The following OPCML variants were observed in gnomAD, a reference collection of about 807,000 sequenced individuals.
OPCML encodes opioid-binding protein/cell adhesion molecule.
Under a neutral mutation model 37.8 loss-of-function variants are expected in OPCML, and 13 were observed. The ratio of observed to expected loss-of-function variants is 0.34; its 90% CI spans 0.22 to 0.55. The LOEUF (loss-of-function observed/expected upper bound fraction) is 0.55. Ranked by LOEUF, OPCML falls within the 20% of genes least tolerant of loss-of-function variation. OPCML has a pLI of 0.91. For synonymous variants in OPCML, 176 were observed against 168.8 expected, an observed-to-expected ratio of 1.04 and a Z score of -0.33; for missense variants, 341 against 435.6, an observed-to-expected ratio of 0.78 and a Z score of 1.93.
chr11:132,975,412 A>G (rs1354623641), intron 1 of OPCML, among the ~76,000 whole-genome samples: 1 of 151,562 alleles, frequency 6.6e-6, no homozygotes, highest in East Asian at 2.0e-4. Context: ...AAAGGCAATG[A>G]GGAAGAAGCA....
chr11:133,234,902 C>G (rs1023097365), intron 1 of OPCML, among the ~76,000 whole-genome samples: 2 of 152,114 alleles, frequency 1.3e-5, no homozygotes, highest in Non-Finnish European at 2.9e-5. Flanking sequence ...TCGTCTCTGG[C>G]CAAGCCTATT....
intron 1 of OPCML, among the ~76,000 whole-genome samples, chr11:133,369,615 A>G (rs1355838565): frequency 6.6e-6 from 1 of 152,176 alleles, no homozygotes; most frequent in African/African-American, 2.4e-5. Context: ...GCTGTGTGGA[A>G]CAATACCATA....
chr11:132,532,068 C>T (rs2096327037), intron 3 of OPCML, among the ~76,000 whole-genome samples: 1 of 152,156 alleles, frequency 6.6e-6, no homozygotes, highest in East Asian at 1.9e-4. Context: ...TTTCCACAGA[C>T]ATCGTATCTC....
At chr11:133,024,234 G>T (rs1423682442) in intron 1 of OPCML, 4 of 454,386 alleles carry the variant, frequency 8.8e-6, no homozygotes, top group Non-Finnish European at 5.8e-6. Context: ...CCTCAGGCAG[G>T]TTGGTGGGGG....
chr11:133,524,901 A>G (rs1240723635), intron 1 of OPCML, among the ~76,000 whole-genome samples: 1 of 152,244 alleles, frequency 6.6e-6, no homozygotes, highest in Non-Finnish European at 1.5e-5. Flanking sequence ...GTGGGATGGA[A>G]CAGAATGATT....
intron 2 of OPCML, among the ~76,000 whole-genome samples, chr11:132,852,123 A>T (rs113266600): frequency 3.3e-5 from 5 of 152,314 alleles, no homozygotes; most frequent in African/African-American, 1.2e-4. Context: ...CTGTACAAAC[A>T]GACCTTGTTA....
intron 3 of OPCML, among the ~76,000 whole-genome samples, chr11:132,623,965 C>T (rs1244138767): frequency 6.6e-6 from 1 of 152,186 alleles, no homozygotes; most frequent in Non-Finnish European, 1.5e-5. Flanking sequence ...TTGCTCTTTT[C>T]AATTTAACAT....
chr11:133,327,641 A>G lies in OPCML; in HGVS notation c.61+204623T>C, dbSNP rs546884158. On this transcript the variant is annotated intron_variant, in intron 1 of 7. Coordinates refer to ENST00000524381, the MANE Select transcript of OPCML (RefSeq NM_001012393.5). ...TTATCTACCTAACTTCTGTTTAAGG[A>G]CCAACATAGATACATGGAATTCTAT... is the stretch of plus-strand genomic sequence containing the variant. 2.7e-3 allele frequency among the ~76,000 whole-genome samples: 414 copies of G among 152,230 alleles called. 2 individuals carry two copies. Among genetic ancestry groups the G allele is most frequent in the Middle Eastern group, 0.01 (3 of 294 alleles).
chr11:133,188,444 T>G (rs1282738260), intron 1 of OPCML, among the ~76,000 whole-genome samples: 1 of 152,116 alleles, frequency 6.6e-6, no homozygotes, highest in Non-Finnish European at 1.5e-5. Flanking sequence ...TCCATCGCGA[T>G]CCACATTGTT....
At chr11:132,420,515 T>A in intron 7 of OPCML, 2 of 449,606 alleles carry the variant, frequency 4.4e-6, no homozygotes, top group Non-Finnish European at 5.9e-6. Flanking sequence ...AGACTATGCT[T>A]AAAAAGTAAA....
In OPCML at chr11:132,529,071, C is replaced by G; in HGVS notation, c.495G>C (p.Leu165=). The G allele has an allele frequency of 3.1e-6, 5 of 1,611,858 alleles. No individual in the cohort carries two copies. The highest frequency in any genetic ancestry group is 4.2e-6 in the Non-Finnish European group (5 of 1,178,404). The stretch of plus-strand genomic sequence containing the variant: ...AGGTCAGCACCTTACCCTTGACTGA[C>G]AGGTGTCTCCATGTCACAGTTGGCT... ...RPEPTVTWRH[L]SVKEGQGFVS... Residue 165 remains leucine, a synonymous_variant, in exon 4 of 8, where the codon CTG becomes CTC. Coordinates refer to ENST00000524381, the MANE Select transcript of OPCML (RefSeq NM_001012393.5).
intron 1 of OPCML, among the ~76,000 whole-genome samples, chr11:133,424,779 A>G (rs1403027212): frequency 6.6e-6 from 1 of 152,232 alleles, no homozygotes; most frequent in Non-Finnish European, 1.5e-5. Flanking sequence ...CATATTGCCA[A>G]ATGAATGATA....
intron 4 of OPCML, among the ~76,000 whole-genome samples, chr11:132,518,147 G>A (rs1228863968): frequency 2.0e-5 from 3 of 152,122 alleles, no homozygotes; most frequent in African/African-American, 7.2e-5. Context: ...TGCCATAGTT[G>A]TTTGCTGCGC....
intron 2 of OPCML, among the ~76,000 whole-genome samples, chr11:132,870,391 G>A (rs762168183): frequency 7.9e-5 from 12 of 152,128 alleles, no homozygotes; most frequent in African/African-American, 1.2e-4. Context: ...AAGAGAGAAC[G>A]CTTGCACATG....
intron 2 of OPCML, among the ~76,000 whole-genome samples, chr11:132,902,459 C>T (rs1258612981): frequency 2.0e-5 from 3 of 152,116 alleles, no homozygotes; most frequent in Non-Finnish European, 2.9e-5. Context: ...GGCTGTTGAG[C>T]GGCCTGCAGT....
Position 132,816,754 on chromosome 11 carries a change from CTT to C in OPCML, c.146+126170_146+126171del, listed in dbSNP as rs1301750421. ...CAACACAGATGTGTAGCCTGCTTCT[CTT>C]GTTCATTTTAGGATAGAGATAACAA... On this transcript the variant is annotated intron_variant, in intron 2 of 7. Coordinates refer to ENST00000524381, the MANE Select transcript of OPCML (RefSeq NM_001012393.5). 2.0e-5 allele frequency among the ~76,000 whole-genome samples: 3 copies of C among 152,192 alleles called. No individual in the cohort carries two copies. The East Asian group carries it at 5.8e-4, about 29-fold the overall frequency.
chr11:132,875,579 C>T (rs768445091), intron 2 of OPCML, among the ~76,000 whole-genome samples: 8 of 151,974 alleles, frequency 5.3e-5, no homozygotes, highest in African/African-American at 9.7e-5. Flanking sequence ...ATTCTCCTGC[C>T]TCAGCCTCCC....
At chr11:132,514,796 AG>A (rs34117174) in intron 4 of OPCML, among the ~76,000 whole-genome samples, 34 of 152,228 alleles carry the variant, frequency 2.2e-4, no homozygotes, top group African/African-American at 8.2e-4. Flanking sequence ...GGAGAGAAAG[AG>A]GAGTGGGTAG....
chr11:133,341,845 G>C (rs889529167), intron 1 of OPCML, among the ~76,000 whole-genome samples: 1 of 152,130 alleles, frequency 6.6e-6, no homozygotes, highest in Non-Finnish European at 1.5e-5. Context: ...TTGAACTTGG[G>C]AGGTGGAGGT....
Sources: gnomAD v4.1 joint callset for allele counts (sites outside exome capture counted in the v4.1 genomes callset) on GRCh38, gnomAD v4.1.1 for gene constraint, MANE v1.5 for transcripts, NCBI Gene and HGNC (gene_info 2026-07-23, HGNC 2026-07-21) for gene names.